SHLD1: variants seen among roughly 807,000 people sequenced by gnomAD.
The protein encoded by SHLD1 is RINN1-REV7-interacting novel NHEJ regulator 3.
Under a neutral mutation model 5.5 loss-of-function variants are expected in SHLD1, and 3 were observed. The ratio of observed to expected loss-of-function variants is 0.54; its 90% confidence interval spans 0.25 to 1.40. The LOEUF is 1.40. Ranked by LOEUF, SHLD1 falls within the 40% of genes most tolerant of loss-of-function variation. The pLI is 0.15. For synonymous variants in SHLD1, 92 were observed against 94.3 expected, an observed-to-expected ratio of 0.98 and a Z score of 0.14; for missense variants, 210 against 244.4, an observed-to-expected ratio of 0.86 and a Z score of 0.94.
chr20:5,763,698 C>G (rs1194882970), intron 1 of SHLD1, among the ~76,000 whole-genome samples: 1 of 152,148 alleles, frequency 6.6e-6, no homozygotes, highest in Non-Finnish European at 1.5e-5. Context: ...ACCGGCAGTT[C>G]CTGTGATTCT....
At chr20:5,844,770 C>CATATATATATATATAT (rs150675433) in intron 2 of SHLD1, among the ~76,000 whole-genome samples, 6 of 101,054 alleles carry the variant, frequency 5.9e-5, no homozygotes, top group South Asian at 3.6e-4. Context: ...GTGTAGTAGA[C>CATATATATATATATAT]ATATATATAT....
intron 2 of SHLD1, among the ~76,000 whole-genome samples, chr20:5,779,973 T>C (rs1396800741): frequency 1.7e-5 from 1 of 59,710 alleles, no homozygotes; most frequent in Non-Finnish European, 3.4e-5. Flanking sequence ...ACAATTTCTG[T>C]TTTTTTTTTT....
chr20:5,862,441 C>T (rs1353652558), intron 2 of SHLD1, among the ~76,000 whole-genome samples: 2 of 152,254 alleles, frequency 1.3e-5, no homozygotes, highest in African/African-American at 4.8e-5. Context: ...ACAGTCCCAT[C>T]GTGCACACGC....
chr20:5,777,989 A>C (rs115055704), intron 2 of SHLD1, among the ~76,000 whole-genome samples: 2 of 151,836 alleles, frequency 1.3e-5, no homozygotes, highest in East Asian at 3.9e-4. Flanking sequence ...TAGTACTTTT[A>C]TATGTTTTGC....
At chr20:5,758,693 A>G (rs544732608) in intron 1 of SHLD1, among the ~76,000 whole-genome samples, 1 of 152,132 alleles carries the variant, frequency 6.6e-6, no homozygotes, top group African/African-American at 2.4e-5. Flanking sequence ...TGCTGGGATT[A>G]CAGGTGTGAG....
intron 2 of SHLD1, among the ~76,000 whole-genome samples, chr20:5,782,007 C>T (rs144554319): frequency 1.5e-3 from 221 of 152,278 alleles, no homozygotes; most frequent in African/African-American, 4.6e-3. Flanking sequence ...CCAGTCCTGT[C>T]GGGCTTGCTT....
At chr20:5,780,915 A>C (rs111361954) in intron 2 of SHLD1, among the ~76,000 whole-genome samples, 1 of 152,186 alleles carries the variant, frequency 6.6e-6, no homozygotes, top group Non-Finnish European at 1.5e-5. Flanking sequence ...ATCACTGTTC[A>C]TACTCTGGAG....
chr20:5,814,842 C>T (rs575377135), intron 2 of SHLD1, among the ~76,000 whole-genome samples: 93 of 151,454 alleles, frequency 6.1e-4, no homozygotes, highest in African/African-American at 2.1e-3. Context: ...TTTGTAGAGA[C>T]GGGTTTCATC....
intron 2 of SHLD1, among the ~76,000 whole-genome samples, chr20:5,844,880 C>T (rs139888791): frequency 0.042 from 6,294 of 149,452 alleles, 193 homozygotes; most frequent in Non-Finnish European, 0.058. Context: ...CTGCAACCTC[C>T]GCCTCCTGGG....
intron 2 of SHLD1, among the ~76,000 whole-genome samples, chr20:5,859,550 T>C (rs569811596): frequency 1.8e-4 from 28 of 152,308 alleles, no homozygotes; most frequent in Middle Eastern, 6.8e-3. Context: ...AACTGACTAG[T>C]ACCATCATTC....
At chr20:5,793,202 G>T (rs1193565601) in intron 2 of SHLD1, among the ~76,000 whole-genome samples, 2 of 152,144 alleles carry the variant, frequency 1.3e-5, no homozygotes, top group African/African-American at 4.8e-5. Flanking sequence ...ATCAGGAAGT[G>T]TGGGTCCTCC....
At chr20:5,791,624 A>C (rs1038030063) in intron 2 of SHLD1, among the ~76,000 whole-genome samples, 1 of 151,996 alleles carries the variant, frequency 6.6e-6, no homozygotes, top group Non-Finnish European at 1.5e-5. Context: ...AATATAGCCA[A>C]ACATTGATAA....
intron 1 of SHLD1, among the ~76,000 whole-genome samples, chr20:5,760,415 G>C (rs1035797275): frequency 7.2e-5 from 11 of 152,208 alleles, no homozygotes; most frequent in African/African-American, 2.6e-4. Flanking sequence ...AGATGAGGCC[G>C]GGCTTGGTGG....
intron 1 of SHLD1, among the ~76,000 whole-genome samples, chr20:5,752,533 C>T (rs534439755): frequency 2.0e-5 from 3 of 151,708 alleles, no homozygotes; most frequent in African/African-American, 7.3e-5. Context: ...AGATTCTCTA[C>T]AGATGCAAAT....
In SHLD1 at chr20:5,777,058, G is replaced by A. The variant is rs187939897; in HGVS notation, c.178+4015G>A. Among the ~76,000 whole-genome samples the A allele has an allele frequency of 8.2e-4, 124 of 151,174 alleles. 2 individuals are homozygous for A. The highest frequency in any genetic ancestry group is 2.9e-3 in the African/African-American group (118 of 41,236). On this transcript the variant is annotated intron_variant, in intron 2 of 2. Transcript: ENST00000303142. The stretch of plus-strand genomic sequence containing the variant: ...AGGCTGAGTGCAGTGGCACAATCTC[G>A]GCTCACTGCAACCTCCACCTCCCTG...
intron 2 of SHLD1, among the ~76,000 whole-genome samples, chr20:5,790,796 T>C (rs899503743): frequency 6.6e-6 from 1 of 151,988 alleles, no homozygotes; most frequent in African/African-American, 2.4e-5. Flanking sequence ...CTAAATGTAA[T>C]AGACAAAATG....
In SHLD1 at chr20:5,784,095, G is replaced by A. The variant is rs137900498; in HGVS notation, c.178+11052G>A. ...GAACCCGGGAGGCGGAGGTTGCAGT[G>A]AGCCGAGATGGCGCCACGGGCACTC... On this transcript the variant is annotated intron_variant, in intron 2 of 2. Transcript: ENST00000303142. Among the ~76,000 whole-genome samples, 1,221 of 151,594 alleles carry A rather than the reference G, an allele frequency of 8.1e-3. 17 individuals carry two copies. The highest frequency in any genetic ancestry group is 0.028 in the African/African-American group (1,163 of 41,306).
chr20:5,854,298 A>G (rs1852772865), intron 2 of SHLD1, among the ~76,000 whole-genome samples: 1 of 151,700 alleles, frequency 6.6e-6, no homozygotes, highest in African/African-American at 2.4e-5. Flanking sequence ...GAGCCACCAC[A>G]CCCGGCCTTA....
chr20:5,844,782 TATATATATATATATA>T (rs1238659805), intron 2 of SHLD1, among the ~76,000 whole-genome samples: 1 of 101,910 alleles, frequency 9.8e-6, no homozygotes, highest in Non-Finnish European at 1.8e-5. Context: ...TATATATATA[TATATATATATATATA>T]TATTTTTTTT....
Sources: allele counts gnomAD v4.1 joint callset (sites outside exome capture counted in the v4.1 genomes callset), GRCh38; gene constraint gnomAD v4.1.1; transcripts MANE v1.5; gene names NCBI Gene and HGNC (gene_info 2026-07-23, HGNC 2026-07-21).